Variants in METTL15 observed in about 807,000 individuals in gnomAD.
The protein encoded by METTL15 is 12S rRNA N(4)-cytidine methyltransferase METTL15.
In METTL15, 34 loss-of-function variants were observed where a neutral mutation model predicts 38.3. The observed-to-expected ratio is 0.89, with a 90% CI of 0.68 to 1.18. The LOEUF is 1.18. Ranked by LOEUF, METTL15 falls within the 50% of genes most tolerant of loss-of-function variation. The pLI is 0.00. For missense variants in METTL15, 438 were observed against 498.4 expected, an observed-to-expected ratio of 0.88 and a Z score of 1.15; for synonymous variants, 162 against 170.9, an observed-to-expected ratio of 0.95 and a Z score of 0.41.
At chr11:28,393,064 A>G (rs906581761) in intron 5 of METTL15, among the ~76,000 whole-genome samples, 4 of 152,136 alleles carry the variant, frequency 2.6e-5, no homozygotes, top group African/African-American at 7.2e-5. Context: ...ATGCCTGTGC[A>G]CTTTTTGTGG....
intron 5 of METTL15, among the ~76,000 whole-genome samples, chr11:28,367,501 T>C (rs1035514882): frequency 6.6e-5 from 10 of 152,030 alleles, no homozygotes; most frequent in African/African-American, 2.2e-4. Context: ...TACAAACAAA[T>C]GGAAAAACAT....
chr11:28,466,513 T>C (rs1851257701), intron 6 of METTL15, among the ~76,000 whole-genome samples: 1 of 152,116 alleles, frequency 6.6e-6, no homozygotes. Context: ...TTCCACAAGA[T>C]GTGTGGGAAG....
chr11:28,131,873 GT>G (rs1187967704), intron 3 of METTL15, among the ~76,000 whole-genome samples: 1 of 152,136 alleles, frequency 6.6e-6, no homozygotes, highest in Non-Finnish European at 1.5e-5. Context: ...GTCTAGCCTT[GT>G]TGAGCTATTT....
intron 3 of METTL15, among the ~76,000 whole-genome samples, chr11:28,150,305 G>A (rs1850035847): frequency 6.6e-6 from 1 of 151,466 alleles, no homozygotes; most frequent in African/African-American, 2.4e-5. Flanking sequence ...TCTCTTTTCT[G>A]TTGCCTATTT....
At chr11:28,197,940 A>G (rs1851970187) in intron 3 of METTL15, among the ~76,000 whole-genome samples, 1 of 152,082 alleles carries the variant, frequency 6.6e-6, no homozygotes, top group Non-Finnish European at 1.5e-5. Context: ...ATTTTTTTGA[A>G]AAGAGCATTT....
chr11:28,508,625 T>A (rs1363918891), intron 6 of METTL15, among the ~76,000 whole-genome samples: 4 of 152,204 alleles, frequency 2.6e-5, no homozygotes. Context: ...CTCTAGGGGA[T>A]CTTTTTGTCC....
chr11:28,198,571 T>C (rs1851991617), intron 3 of METTL15, among the ~76,000 whole-genome samples: 1 of 152,132 alleles, frequency 6.6e-6, no homozygotes, highest in South Asian at 2.1e-4. Context: ...GCATTAATTG[T>C]TTTGTTTGTT....
intron 6 of METTL15, among the ~76,000 whole-genome samples, chr11:28,315,882 C>G (rs1055695265): frequency 1.3e-5 from 2 of 152,190 alleles, no homozygotes; most frequent in African/African-American, 4.8e-5. Context: ...TGTGGGTGCA[C>G]AGAAGTCAAG....
intron 6 of METTL15, among the ~76,000 whole-genome samples, chr11:28,427,202 CA>C (rs1850873121): frequency 1.3e-5 from 2 of 152,138 alleles, no homozygotes; most frequent in Admixed American, 6.5e-5. Flanking sequence ...ATTATTTCCC[CA>C]TTGTTTGTTT....
At chr11:28,165,741 G>A (rs1023337450) in intron 3 of METTL15, among the ~76,000 whole-genome samples, 3 of 151,748 alleles carry the variant, frequency 2.0e-5, no homozygotes, top group Non-Finnish European at 4.4e-5. Flanking sequence ...GATCAATGTC[G>A]TGGAGCTTTT....
chr11:28,234,864 A>T (rs371786631), intron 4 of METTL15, among the ~76,000 whole-genome samples: 2 of 147,388 alleles, frequency 1.4e-5, no homozygotes, highest in Non-Finnish European at 3.0e-5. Context: ...GGTGTTTTAG[A>T]CATGAAGTCC....
At chr11:28,466,628 A>G (rs1233450444) in intron 6 of METTL15, among the ~76,000 whole-genome samples, 1 of 152,202 alleles carries the variant, frequency 6.6e-6, no homozygotes, top group East Asian at 1.9e-4. Flanking sequence ...CCGTCCGGCT[A>G]AGGTGCTGCG....
intron 5 of METTL15, among the ~76,000 whole-genome samples, chr11:28,400,862 C>T (rs1157043216): frequency 6.6e-6 from 1 of 151,940 alleles, no homozygotes; most frequent in Non-Finnish European, 1.5e-5. Flanking sequence ...CAGCCTCAAT[C>T]ACCATTGAAT....
chr11:28,376,054 T>G (rs1290389714), intron 5 of METTL15, among the ~76,000 whole-genome samples: 2 of 152,172 alleles, frequency 1.3e-5, no homozygotes, highest in Non-Finnish European at 2.9e-5. Context: ...ATTTCTGTTC[T>G]TTTACATTTG....
At chr11:28,325,549 A>G (rs1565256816) in intron 6 of METTL15, among the ~76,000 whole-genome samples, 1 of 151,794 alleles carries the variant, frequency 6.6e-6, no homozygotes, top group Admixed American at 6.6e-5. Context: ...TCATTCATCC[A>G]TTTTTTTTCA....
chr11:28,201,488 TTGAC>T (rs1354491249), intron 3 of METTL15, among the ~76,000 whole-genome samples: 1 of 152,104 alleles, frequency 6.6e-6, no homozygotes, highest in Non-Finnish European at 1.5e-5. Flanking sequence ...CTGGTAGAGT[TTGAC>T]TGTGAACCCA....
intron 6 of METTL15, among the ~76,000 whole-genome samples, chr11:28,432,384 T>G (rs532767513): frequency 1.8e-4 from 27 of 152,326 alleles, no homozygotes; most frequent in African/African-American, 6.0e-4. Context: ...CTAAGTCTAC[T>G]TATGTACACA....
At chr11:28,191,006 T>C (rs1208054324) in intron 3 of METTL15, among the ~76,000 whole-genome samples, 1 of 151,306 alleles carries the variant, frequency 6.6e-6, no homozygotes, top group Admixed American at 6.6e-5. Flanking sequence ...TAAGTTTGCT[T>C]GACAGCAGGG....
At chr11:28,407,647 A>G (rs188535933) in intron 5 of METTL15, among the ~76,000 whole-genome samples, 1 of 152,236 alleles carries the variant, frequency 6.6e-6, no homozygotes, top group Non-Finnish European at 1.5e-5. Context: ...ATTAAAAAGT[A>G]AAGAAACAAC....
Sources: gnomAD v4.1 joint callset for allele counts (sites outside exome capture counted in the v4.1 genomes callset) on GRCh38, gnomAD v4.1.1 for gene constraint, MANE v1.5 for transcripts, NCBI Gene and HGNC (gene_info 2026-07-23, HGNC 2026-07-21) for gene names.